The following STK24 variants were observed in gnomAD, a reference collection of about 807,000 sequenced individuals.
STK24 encodes serine/threonine-protein kinase 24.
A neutral mutation model predicts 55.6 loss-of-function variants in STK24; 21 were observed. That is an observed-to-expected ratio of 0.38 (90% CI 0.27 to 0.54). The LOEUF is 0.54. Ranked by LOEUF, STK24 falls within the 20% of genes least tolerant of loss-of-function variation. The pLI is 0.79. For missense variants in STK24, 383 were observed against 538.4 expected (o/e 0.71, Z 2.86); for synonymous variants, 200 against 215.2 (o/e 0.93, Z 0.62).
chr13:98,565,898 A>C (rs1897554905), intron 1 of STK24, among the ~76,000 whole-genome samples: 1 of 152,180 alleles, frequency 6.6e-6, no homozygotes, highest in African/African-American at 2.4e-5. Flanking sequence ...ATAATCCAGG[A>C]ACAAGTTTCC....
chr13:98,560,687 T>C (rs1020958619), intron 1 of STK24, among the ~76,000 whole-genome samples: 29 of 152,188 alleles, frequency 1.9e-4, no homozygotes, highest in Non-Finnish European at 1.3e-4. Flanking sequence ...GAGACCAGCC[T>C]AACCAACATG....
intron 1 of STK24, among the ~76,000 whole-genome samples, chr13:98,533,586 G>A (rs1345488179): frequency 1.3e-5 from 2 of 151,812 alleles, no homozygotes; most frequent in Non-Finnish European, 2.9e-5. Flanking sequence ...GGAGTTTGAG[G>A]CTGCAATGAG....
At chr13:98,538,849 C>G (rs540981275) in intron 1 of STK24, among the ~76,000 whole-genome samples, 2 of 152,292 alleles carry the variant, frequency 1.3e-5, no homozygotes, top group East Asian at 3.9e-4. Context: ...TCTTGCTCCT[C>G]GGTGAGGCCC....
At chr13:98,488,202 C>CAA (rs1356952376) in intron 2 of STK24, among the ~76,000 whole-genome samples, 1 of 149,922 alleles carries the variant, frequency 6.7e-6, no homozygotes, top group East Asian at 2.0e-4. Flanking sequence ...CACACACACA[C>CAA]ACACGGGAAG....
At position 98,446,934 on chromosome 13, in the gene STK24, G is replaced by A. The variant is rs531348539; in HGVS notation, c.*6239C>T. The A allele has an allele frequency of 2.1e-3, 2,379 of 1,135,282 alleles. 2 individuals are homozygous for A. The highest frequency in any genetic ancestry group is 2.4e-3 in the Non-Finnish European group (1,896 of 785,584). The allele number at this position is 1,135,282 out of a possible 1,614,324, so 70.3% of individuals were successfully genotyped here. A position where few individuals can be genotyped will look rare whatever the true frequency, so the allele number is the denominator to read the frequency against. On this transcript the variant is annotated 3_prime_UTR_variant, in exon 11 of 11. Transcript: ENST00000539966. ...CCCCACCCTTCCCTGCCAACTAAGC[G>A]TTTAGACCTGGGGTCCCACTGCCCG...
chr13:98,486,138 T>C (rs1387860224), intron 2 of STK24, among the ~76,000 whole-genome samples: 1 of 151,222 alleles, frequency 6.6e-6, no homozygotes, highest in Admixed American at 6.6e-5. Context: ...CAAACCACCA[T>C]GGCACATCTA....
intron 10 of STK24, 115 bp from the exon 11 acceptor site, chr13:98,453,324 T>G (rs1342437535): frequency 9.5e-7 from 1 of 1,049,318 alleles, no homozygotes; most frequent in Non-Finnish European, 1.4e-6. Context: ...CATACAAAAA[T>G]AAGTGGAGCA....
chr13:98,498,129 T>TG (rs1895318310), intron 2 of STK24, among the ~76,000 whole-genome samples: 1 of 152,240 alleles, frequency 6.6e-6, no homozygotes, highest in Non-Finnish European at 1.5e-5. Context: ...TGAGCACTGA[T>TG]GGTCTATTGT....
chr13:98,570,332 T>C (rs1897706986), intron 1 of STK24, among the ~76,000 whole-genome samples: 4 of 152,140 alleles, frequency 2.6e-5, no homozygotes, highest in Non-Finnish European at 5.9e-5. Context: ...CCATTAGACA[T>C]TTCTAAATAG....
intron 1 of STK24, among the ~76,000 whole-genome samples, chr13:98,565,140 G>T (rs561690862): frequency 2.0e-5 from 3 of 152,150 alleles, no homozygotes; most frequent in Non-Finnish European, 4.4e-5. Context: ...GAGCAATGAG[G>T]ATTCAGGATT....
intron 1 of STK24, among the ~76,000 whole-genome samples, chr13:98,538,925 G>T (rs1417030120): frequency 5.9e-5 from 9 of 152,136 alleles, no homozygotes; most frequent in African/African-American, 1.9e-4. Flanking sequence ...TTCTGCCCTC[G>T]CCACCTGTCA....
intron 1 of STK24, among the ~76,000 whole-genome samples, chr13:98,523,981 T>C (rs569431374): frequency 6.6e-6 from 1 of 151,882 alleles, no homozygotes; most frequent in Non-Finnish European, 1.5e-5. Context: ...GCCGCCCCAC[T>C]CTTCCTGTCC....
intron 1 of STK24, among the ~76,000 whole-genome samples, chr13:98,565,357 G>A (rs1897537185): frequency 6.6e-6 from 1 of 152,072 alleles, no homozygotes. Context: ...GCTGGGCGCG[G>A]TGGCTCACAC....
intron 1 of STK24, among the ~76,000 whole-genome samples, chr13:98,541,101 C>A (rs1371976160): frequency 1.3e-5 from 2 of 152,184 alleles, no homozygotes; most frequent in Non-Finnish European, 2.9e-5. Flanking sequence ...GGACTCAGAC[C>A]TTAGTTATAG....
rs1216880154 is a variant in STK24, at chr13:98,577,004, G to A, written c.-218C>T. 2.0e-5 allele frequency: 3 copies of A among 149,900 alleles called. No homozygotes were observed. The South Asian group carries it at 5.9e-4, about 30-fold the overall frequency. 9.3% of individuals were successfully genotyped at this position (149,900 alleles called of 1,614,324 possible). A position where few individuals can be genotyped will look rare whatever the true frequency, so the allele number is the denominator to read the frequency against. On this transcript the variant is annotated 5_prime_UTR_variant, in exon 1 of 11. Transcript: ENST00000539966. This position sits in a 1 kb window ranked among gnomAD's most constrained non-coding sequence, Gnocchi z 4.1. ...CGGCGCCAGGGAGGAGCTGCTGGGG[G>A]CGCAGGGCCTCGCGCGCACTGCCGC... is the stretch of plus-strand genomic sequence containing the variant.
intron 2 of STK24, among the ~76,000 whole-genome samples, chr13:98,508,167 G>T (rs1273820200): frequency 6.6e-6 from 1 of 151,354 alleles, no homozygotes; most frequent in Non-Finnish European, 1.5e-5. Context: ...GCTAATAGAA[G>T]AAAAAAAATA....
intron 2 of STK24, among the ~76,000 whole-genome samples, chr13:98,503,293 A>G (rs9517328): frequency 6.3e-4 from 96 of 152,114 alleles, no homozygotes; most frequent in Non-Finnish European, 9.1e-4. Context: ...CCTGCCGCTC[A>G]GTCACCAGCC....
intron 2 of STK24, among the ~76,000 whole-genome samples, chr13:98,512,642 C>G (rs1432144094): frequency 6.6e-6 from 1 of 150,978 alleles, no homozygotes; most frequent in Non-Finnish European, 1.5e-5. Flanking sequence ...TTCATTAACA[C>G]TACTCTAATG....
At chr13:98,466,862 G>C (rs527699744) in intron 5 of STK24, among the ~76,000 whole-genome samples, 2 of 152,196 alleles carry the variant, frequency 1.3e-5, no homozygotes, top group Non-Finnish European at 2.9e-5. Context: ...GGACCAGTAA[G>C]AGAGGTGAGC....
Sources: allele counts gnomAD v4.1 joint callset (sites outside exome capture counted in the v4.1 genomes callset), GRCh38; gene constraint gnomAD v4.1.1; non-coding constraint Gnocchi (gnomAD v3.1); transcripts MANE v1.5; gene names NCBI Gene and HGNC (gene_info 2026-07-23, HGNC 2026-07-21).